Variants in PCDHGA12 observed in about 807,000 individuals in gnomAD.
PCDHGA12 encodes protocadherin gamma subfamily A, 12.
PCDHGA12 carries 43 observed loss-of-function variants against 61.1 expected under a neutral mutation model. That is an observed-to-expected ratio of 0.70 (90% CI 0.55 to 0.91). The LOEUF is 0.91. Ranked by LOEUF, PCDHGA12 falls within the 40% of genes least tolerant of loss-of-function variation. PCDHGA12 has a pLI of 0.00. For synonymous variants in PCDHGA12, 520 were observed against 542.9 expected, an observed-to-expected ratio of 0.96 and a Z score of 0.59; for missense variants, 1,236 against 1,227.7, an observed-to-expected ratio of 1.01 and a Z score of -0.10.
chr5:141,446,275 A>G (rs1229842331), intron 1 of PCDHGA12, among the ~76,000 whole-genome samples: 1 of 152,156 alleles, frequency 6.6e-6, no homozygotes, highest in African/African-American at 2.4e-5. Flanking sequence ...GAATAAATAC[A>G]ATGGATAAAT....
chr5:141,502,667 T>G (rs2099815574), intron 2 of PCDHGA12, among the ~76,000 whole-genome samples: 1 of 152,236 alleles, frequency 6.6e-6, no homozygotes. Context: ...TTCATGCAAT[T>G]TTAGTATTCC....
chr5:141,478,244 T>C lies in PCDHGA12; in HGVS notation c.2425-16563T>C, dbSNP rs758993366. ...TTCTGTGGGGTTTGTGGTCACAGTG[T>C]TCGGAGTAATCATATTCAAAGTTTA... On this transcript the variant is annotated intron_variant, in intron 1 of 3. Coordinates refer to ENST00000252085, the MANE Select transcript of PCDHGA12 (RefSeq NM_003735.3). 5 of 1,614,132 alleles carry C rather than the reference T, an allele frequency of 3.1e-6. No individual in the cohort carries two copies. In the South Asian group the frequency reaches 4.4e-5, roughly 14 times the overall value.
rs77983663 is a variant in PCDHGA12, at chr5:141,504,853, C to T, written c.2484-540C>T. 2.8e-4 allele frequency among the ~76,000 whole-genome samples: 42 copies of T among 152,214 alleles called. No homozygotes were observed. In the East Asian group the frequency reaches 7.7e-3, roughly 28 times the overall value. On this transcript the variant is annotated intron_variant, in intron 2 of 3. Transcript: ENST00000252085. ...TTCTCTAGCTCTGGAACATTCTCTT[C>T]CATTTCCCACCTTCACAGTCCTCTG... is the stretch of plus-strand genomic sequence containing the variant.
In PCDHGA12 at chr5:141,491,665, C is replaced by A; in HGVS notation, c.2425-3142C>A. 1 of 1,613,764 alleles carries A rather than the reference C, an allele frequency of 6.2e-7. No individual in the cohort carries two copies. Among genetic ancestry groups the A allele is most frequent in the Admixed American group, 1.7e-5 (1 of 60,034 alleles). On this transcript the variant is annotated intron_variant, in intron 1 of 3. Coordinates refer to ENST00000252085, the MANE Select transcript of PCDHGA12 (RefSeq NM_003735.3). The surrounding 1 kb of genome is among the most constrained non-coding windows in gnomAD (Gnocchi z 6.9). ...TCTGGCGCTGGAGCCTGACGCCATCCGGTCCCGCTCTAATACGCTGCGGGA... is the reference window on the plus strand; with the variant it reads ...TCTGGCGCTGGAGCCTGACGCCATCAGGTCCCGCTCTAATACGCTGCGGGA...
chr5:141,487,041 G>C lies in PCDHGA12; in HGVS notation c.2425-7766G>C, dbSNP rs149314216. On this transcript the variant is annotated intron_variant, in intron 1 of 3. Coordinates refer to ENST00000252085, the MANE Select transcript of PCDHGA12 (RefSeq NM_003735.3). The surrounding 1 kb of genome is among the most constrained non-coding windows in gnomAD (Gnocchi z 5.0). ...GATCCCAGCCTGTTTGCAGTCTCTC[G>C]ATATGCTGGGGAGGTGCGGACGGCT... 2.5e-6 allele frequency: 4 copies of C among 1,614,018 alleles called. No homozygotes were observed. Among genetic ancestry groups the C allele is most frequent in the South Asian group, 2.2e-5 (2 of 91,084 alleles).
intron 1 of PCDHGA12, chr5:141,484,966 G>C: frequency 1.7e-6 from 1 of 583,968 alleles, no homozygotes. Context: ...GAGCCCGGGA[G>C]CCGCTGTCTG....
chr5:141,486,598 C>T lies in PCDHGA12; in HGVS notation c.2425-8209C>T. 2 of 1,613,604 alleles carry T rather than the reference C, an allele frequency of 1.2e-6. No homozygotes were observed. Among genetic ancestry groups the T allele is most frequent in the Non-Finnish European group, 1.7e-6 (2 of 1,179,998 alleles). ...ACAATCGCCCAGGGGACCTGCTTTG[C>T]TCCCTTGCAGCCTCTGACCCAGACT... On this transcript the variant is annotated intron_variant, in intron 1 of 3. Transcript: ENST00000252085. The surrounding 1 kb of genome is among the most constrained non-coding windows in gnomAD (Gnocchi z 5.0).
Position 141,490,711 on chromosome 5 carries a change from T to C in PCDHGA12, c.2425-4096T>C. ...CACTGGGGATAATGCCCGCCTCACC[T>C]ACTCCATTGTAGGAAATCAGGTTCA... On this transcript the variant is annotated intron_variant, in intron 1 of 3. Transcript: ENST00000252085. The surrounding 1 kb of genome is among the most constrained non-coding windows in gnomAD (Gnocchi z 5.4). The C allele has an allele frequency of 6.2e-7, 1 of 1,614,200 alleles. No individual in the cohort carries two copies. Among genetic ancestry groups the C allele is most frequent in the Non-Finnish European group, 8.5e-7 (1 of 1,180,002 alleles).
rs375127524 is a variant in PCDHGA12, at chr5:141,490,702, C to G, written c.2425-4105C>G. ...AGATCCAGACACTGGGGATAATGCCCGCCTCACCTACTCCATTGTAGGAAA... is the reference window on the plus strand; with the variant it reads ...AGATCCAGACACTGGGGATAATGCCGGCCTCACCTACTCCATTGTAGGAAA... On this transcript the variant is annotated intron_variant, in intron 1 of 3. Coordinates refer to ENST00000252085, the MANE Select transcript of PCDHGA12 (RefSeq NM_003735.3). This position sits in a 1 kb window ranked among gnomAD's most constrained non-coding sequence, Gnocchi z 5.4. The G allele has an allele frequency of 1.2e-6, 2 of 1,614,060 alleles. No homozygotes were observed. Among genetic ancestry groups the G allele is most frequent in the Admixed American group, 1.7e-5 (1 of 60,008 alleles).
At position 141,491,919 on chromosome 5, in the gene PCDHGA12, C is replaced by A. The variant is rs1177043977; in HGVS notation, c.2425-2888C>A. 1.5e-6 allele frequency: 2 copies of A among 1,361,778 alleles called. No homozygotes were observed. Among genetic ancestry groups the A allele is most frequent in the South Asian group, 1.6e-5 (1 of 64,218 alleles). 84.4% of individuals were successfully genotyped at this position (1,361,778 alleles called of 1,614,324 possible). A position where few individuals can be genotyped will look rare whatever the true frequency, so the allele number is the denominator to read the frequency against. On this transcript the variant is annotated intron_variant, in intron 1 of 3. Coordinates refer to ENST00000252085, the MANE Select transcript of PCDHGA12 (RefSeq NM_003735.3). The surrounding 1 kb of genome is among the most constrained non-coding windows in gnomAD (Gnocchi z 6.9). ...CACCGGGGGTGGTGGCGACTGTGGGCGAGGGGAGGTGGGACCGACCCCCAC... is the reference window on the plus strand; with the variant it reads ...CACCGGGGGTGGTGGCGACTGTGGGAGAGGGGAGGTGGGACCGACCCCCAC...
At chr5:141,502,891 C>G (rs2099816930) in intron 2 of PCDHGA12, among the ~76,000 whole-genome samples, 1 of 117,990 alleles carries the variant, frequency 8.5e-6, no homozygotes, top group African/African-American at 3.4e-5. Context: ...GACAGGGAGT[C>G]TAGCTCTGTT....
In PCDHGA12 at chr5:141,486,702, T is replaced by C; in HGVS notation, c.2425-8105T>C. On this transcript the variant is annotated intron_variant, in intron 1 of 3. Coordinates refer to ENST00000252085, the MANE Select transcript of PCDHGA12 (RefSeq NM_003735.3). The surrounding 1 kb of genome is among the most constrained non-coding windows in gnomAD (Gnocchi z 5.0). ...GTATCAGCTTCCTCTTTCATCTCTC[T>C]GAACCCCCAGACAGGAGCTGTTCAT... is the stretch of plus-strand genomic sequence containing the variant. 3 of 1,614,218 alleles carry C rather than the reference T, an allele frequency of 1.9e-6. No homozygotes were observed. Among genetic ancestry groups the C allele is most frequent in the Non-Finnish European group, 2.5e-6 (3 of 1,180,040 alleles).
chr5:141,488,502 C>T (rs989368385), intron 1 of PCDHGA12, among the ~76,000 whole-genome samples: 2 of 152,146 alleles, frequency 1.3e-5, no homozygotes, highest in Non-Finnish European at 2.9e-5. Context: ...ACACTCATTC[C>T]ACATTTGGGG....
intron 1 of PCDHGA12, among the ~76,000 whole-genome samples, chr5:141,472,527 G>A (rs905459978): frequency 1.3e-5 from 2 of 151,468 alleles, no homozygotes; most frequent in African/African-American, 4.9e-5. Flanking sequence ...GTGACAGAGT[G>A]AGACACCATC....
chr5:141,505,434 A>C lies in PCDHGA12; in HGVS notation c.2525A>C (p.Gln842Pro), dbSNP rs1417754900. 1 of 1,614,198 alleles carries C rather than the reference A, an allele frequency of 6.2e-7. No homozygotes were observed. The highest frequency in any genetic ancestry group is 1.7e-5 in the Admixed American group (1 of 60,032). The change falls in exon 3 of 4, where the codon CAG (glutamine) becomes CCG (proline). Residue 842 changes from glutamine (Q) to proline (P), a missense_variant. Gln to Pro is a moderately conservative substitution (Grantham distance 76). Coordinates refer to ENST00000252085, the MANE Select transcript of PCDHGA12 (RefSeq NM_003735.3). ...GACACCGGCACCTGGCCCAACAACCAGTTTGACACAGAGATGCTGCAAGCC... is the reference window on the plus strand; with the variant it reads ...GACACCGGCACCTGGCCCAACAACCCGTTTGACACAGAGATGCTGCAAGCC... ...GDDTGTWPNN[Q>P]FDTEMLQAMI...
At chr5:141,498,670 G>A (rs1266576450) in intron 2 of PCDHGA12, among the ~76,000 whole-genome samples, 1 of 152,066 alleles carries the variant, frequency 6.6e-6, no homozygotes, top group Non-Finnish European at 1.5e-5. Flanking sequence ...GGTGGCTCAC[G>A]CCTGTAATCC....
intron 3 of PCDHGA12, among the ~76,000 whole-genome samples, chr5:141,506,363 C>T (rs1013247178): frequency 4.0e-5 from 6 of 150,792 alleles, no homozygotes; most frequent in South Asian, 4.2e-4. Context: ...GCAGGAGAAT[C>T]GCTTGAACCT....
chr5:141,446,230 G>A (rs548647406), intron 1 of PCDHGA12, among the ~76,000 whole-genome samples: 22 of 152,208 alleles, frequency 1.4e-4, no homozygotes, highest in African/African-American at 4.6e-4. Context: ...GTGTTGCCTG[G>A]CAAGTGGTAG....
intron 2 of PCDHGA12, among the ~76,000 whole-genome samples, chr5:141,499,297 T>A (rs1449576891): frequency 1.3e-5 from 2 of 152,036 alleles, no homozygotes; most frequent in Non-Finnish European, 2.9e-5. Flanking sequence ...CACACTACCA[T>A]CCCTCCTCTG....
Sources: gnomAD v4.1 joint callset for allele counts (sites outside exome capture counted in the v4.1 genomes callset) on GRCh38, gnomAD v4.1.1 for gene constraint, Gnocchi (gnomAD v3.1) non-coding constraint, MANE v1.5 for transcripts, NCBI Gene and HGNC (gene_info 2026-07-23, HGNC 2026-07-21) for gene names.